Variants in EPC2 observed in about 807,000 individuals in gnomAD.
The protein encoded by EPC2 is enhancer of polycomb homolog 2.
A neutral mutation model predicts 92.1 loss-of-function variants in EPC2; 14 were observed. That is an observed-to-expected ratio of 0.15 (90% confidence interval 0.10 to 0.24). EPC2 has a LOEUF of 0.24. Among genes scored for constraint, EPC2 ranks in the 10% least tolerant of loss-of-function variants. EPC2 has a pLI of 1.00. For synonymous variants in EPC2, 340 were observed against 334.7 expected, an observed-to-expected ratio of 1.02 and a Z score of -0.17; for missense variants, 755 against 971.5, an observed-to-expected ratio of 0.78 and a Z score of 2.96.
intron 3 of EPC2, among the ~76,000 whole-genome samples, chr2:148,751,013 TATTA>T (rs1683074028): frequency 6.6e-6 from 1 of 152,096 alleles, no homozygotes. Flanking sequence ...ATTGTTCCCT[TATTA>T]ATTAATTTGT....
intron 1 of EPC2, among the ~76,000 whole-genome samples, chr2:148,664,441 T>C (rs1409322540): frequency 1.3e-5 from 2 of 152,126 alleles, no homozygotes; most frequent in Admixed American, 1.3e-4. Flanking sequence ...AAGGCTGCAG[T>C]GAGTTGTGAT....
chr2:148,738,145 A>AACG (rs1208550609), intron 2 of EPC2, among the ~76,000 whole-genome samples: 11 of 152,192 alleles, frequency 7.2e-5, no homozygotes, highest in African/African-American at 2.7e-4. Flanking sequence ...CAACAACAAC[A>AACG]AAAACTCCTT....
Position 148,690,227 on chromosome 2 carries a change from A to G in EPC2, c.167A>G (p.Gln56Arg). The part of the protein sequence containing the change: ...EKEEESEHHL[Q>R]RAISAQQVFR... ...TACATTTTCCAGGAACATCATTTAC[A>G]GCGAGCAATTTCAGCACAGCAAGTG... Residue 56 changes from glutamine to arginine, a missense_variant, in exon 2 of 14, where the codon CAG becomes CGG. This residue lies in a region of EPC2 where 36 missense variants were observed against 84.0 expected (regional missense o/e 0.43). Transcript: ENST00000258484. 2 of 1,600,332 alleles carry G rather than the reference A, an allele frequency of 1.2e-6. No homozygotes were observed. The highest frequency in any genetic ancestry group is 2.3e-5 in the South Asian group (2 of 87,572).
intron 1 of EPC2, among the ~76,000 whole-genome samples, chr2:148,658,467 T>C (rs1680852489): frequency 6.6e-6 from 1 of 152,074 alleles, no homozygotes. Context: ...GGAGTATATG[T>C]CAGGTGGGCA....
At chr2:148,692,069 A>G in intron 2 of EPC2, 1 of 315,004 alleles carries the variant, frequency 3.2e-6, no homozygotes, top group East Asian at 8.4e-5. Flanking sequence ...CTTTAACGTC[A>G]TTTATTTTTG....
rs1683869399 is a variant in EPC2, at chr2:148,786,460, A to T, written c.*83A>T. The T allele has an allele frequency of 1.9e-6, 2 of 1,064,080 alleles. No individual in the cohort carries two copies. The highest frequency in any genetic ancestry group is 2.7e-5 in the South Asian group (2 of 73,438). 65.9% of individuals were successfully genotyped at this position (1,064,080 alleles called of 1,614,324 possible). On this transcript the variant is annotated 3_prime_UTR_variant, in exon 14 of 14. Coordinates refer to ENST00000258484, the MANE Select transcript of EPC2 (RefSeq NM_015630.4). ...GAATGCAAAAGGCAACACTCTGTGG[A>T]TCACAGAGTGTAACAATGGACCTAA...
At chr2:148,745,728 C>T (rs368344191) in intron 3 of EPC2, among the ~76,000 whole-genome samples, 1 of 152,196 alleles carries the variant, frequency 6.6e-6, no homozygotes, top group East Asian at 1.9e-4. Flanking sequence ...CATTCCATTC[C>T]CTGATCTGTT....
intron 1 of EPC2, among the ~76,000 whole-genome samples, chr2:148,676,304 G>A: frequency 6.6e-6 from 1 of 151,976 alleles, no homozygotes; most frequent in East Asian, 1.9e-4. Flanking sequence ...AAGTGATTTT[G>A]TGTATCTTGG....
chr2:148,783,739 G>T lies in EPC2; in HGVS notation c.2000G>T (p.Gly667Val). 1 of 1,591,574 alleles carries T rather than the reference G, an allele frequency of 6.3e-7. No homozygotes were observed. Among genetic ancestry groups the T allele is most frequent in the Middle Eastern group, 1.7e-4 (1 of 5,872 alleles). Residue 667 changes from glycine to valine, a missense_variant, in exon 12 of 14, where the codon GGT becomes GTT. Coordinates refer to ENST00000258484, the MANE Select transcript of EPC2 (RefSeq NM_015630.4). ...AACACTGGCCACAACAACATAAACG[G>T]TGTTGTCCAGCCTTCAGGTACAGCT... is the stretch of plus-strand genomic sequence containing the variant. ...EQNTGHNNIN[G>V]VVQPSGTSKT...
intron 1 of EPC2, among the ~76,000 whole-genome samples, chr2:148,678,703 C>T (rs1007259114): frequency 1.3e-5 from 2 of 152,386 alleles, no homozygotes; most frequent in Non-Finnish European, 1.5e-5. Context: ...GCCAAGCCCA[C>T]GCCCACCTGG....
chr2:148,740,219 G>T (rs1418056523), intron 2 of EPC2, among the ~76,000 whole-genome samples: 1 of 149,862 alleles, frequency 6.7e-6, no homozygotes, highest in East Asian at 1.9e-4. Context: ...GTAGCTTTTA[G>T]TATGTCCTCT....
Position 148,741,053 on chromosome 2 carries a change from T to G in EPC2, c.314-2569T>G, listed in dbSNP as rs150946058. Among the ~76,000 whole-genome samples the G allele has an allele frequency of 1.8e-3, 279 of 152,262 alleles. 3 individuals carry two copies. Among genetic ancestry groups the G allele is most frequent in the Middle Eastern group, 0.017 (5 of 294 alleles). On this transcript the variant is annotated intron_variant, in intron 2 of 13. Coordinates refer to ENST00000258484, the MANE Select transcript of EPC2 (RefSeq NM_015630.4). The stretch of plus-strand genomic sequence containing the variant: ...TGATTATCATATAATAAAGACAAGG[T>G]TTTACATAAAAGATAAGAGAAAAAT...
chr2:148,701,230 T>C (rs1047704159), intron 2 of EPC2, among the ~76,000 whole-genome samples: 7 of 152,198 alleles, frequency 4.6e-5, no homozygotes, highest in African/African-American at 1.7e-4. Flanking sequence ...TTTCATTTCG[T>C]CCTAATCTGT....
chr2:148,648,383 T>C (rs1683849627), intron 1 of EPC2, among the ~76,000 whole-genome samples: 1 of 152,254 alleles, frequency 6.6e-6, no homozygotes, highest in Admixed American at 6.5e-5. Context: ...TAAATATTTC[T>C]AAGCAGCAGT....
intron 1 of EPC2, among the ~76,000 whole-genome samples, chr2:148,686,131 A>C (rs1681518152): frequency 6.6e-6 from 1 of 152,206 alleles, no homozygotes; most frequent in Non-Finnish European, 1.5e-5. Flanking sequence ...TTTTTTCAAA[A>C]TTGCATTCTC....
intron 1 of EPC2, among the ~76,000 whole-genome samples, chr2:148,676,872 T>TTGG (rs386355295): frequency 1.2e-4 from 17 of 141,692 alleles, no homozygotes; most frequent in East Asian, 8.2e-4. Flanking sequence ...CCACTTTTTT[T>TTGG]GGGGGGGGGG....
chr2:148,741,386 A>G (rs916549081), intron 2 of EPC2, among the ~76,000 whole-genome samples: 2 of 152,128 alleles, frequency 1.3e-5, no homozygotes, highest in African/African-American at 4.8e-5. Flanking sequence ...CTAGTGGTAA[A>G]AATTTCTTAA....
intron 2 of EPC2, among the ~76,000 whole-genome samples, chr2:148,719,769 TGTGTTG>T (rs1404725936): frequency 6.6e-6 from 1 of 152,240 alleles, no homozygotes; most frequent in African/African-American, 2.4e-5. Context: ...GCAGCTGTGC[TGTGTTG>T]GTGATCCCTT....
chr2:148,658,306 A>G (rs1455417043), intron 1 of EPC2, among the ~76,000 whole-genome samples: 2 of 152,134 alleles, frequency 1.3e-5, no homozygotes, highest in Non-Finnish European at 2.9e-5. Flanking sequence ...CTTCAGCACC[A>G]TACTCGGGGG....
Sources: allele counts gnomAD v4.1 joint callset (sites outside exome capture counted in the v4.1 genomes callset), GRCh38; gene constraint gnomAD v4.1.1; regional missense constraint gnomAD v4.1.1; transcripts MANE v1.5; gene names NCBI Gene and HGNC (gene_info 2026-07-23, HGNC 2026-07-21).